Variants in ZNF554 observed in about 807,000 individuals in gnomAD.
The protein encoded by ZNF554 is zinc finger protein 554.
A neutral mutation model predicts 21.2 loss-of-function variants in ZNF554; 15 were observed. That is an observed-to-expected ratio of 0.71 (90% CI 0.47 to 1.09). The LOEUF is 1.09. Among genes scored for constraint, ZNF554 ranks in the 50% least tolerant of loss-of-function variants. ZNF554 has a pLI of 0.00. For missense variants in ZNF554, 691 were observed against 662.7 expected, an observed-to-expected ratio of 1.04 and a Z score of -0.47; for synonymous variants, 258 against 251.4, an observed-to-expected ratio of 1.03 and a Z score of -0.25.
rs937807153 is a variant in ZNF554 at position 2,835,067 on chromosome 19, T to C, written c.*215T>C. 1.6e-5 allele frequency: 8 copies of C among 507,094 alleles called. No homozygotes were observed. The highest frequency in any genetic ancestry group is 1.5e-4 in the African/African-American group (8 of 52,318). 31.4% of individuals were successfully genotyped at this position (507,094 alleles called of 1,614,324 possible). A position where few individuals can be genotyped will look rare whatever the true frequency, so the allele number is the denominator to read the frequency against. ...AGGCTGGAGTCCAGTGGCGTGATCA[T>C]ACCTCACTGCAGCTTCAACTTCCTG... On this transcript the variant is annotated 3_prime_UTR_variant, in exon 5 of 5. Transcript: ENST00000317243.
rs376789614 is a variant in ZNF554 at position 2,834,374 on chromosome 19, A to G, written c.1139A>G (p.Tyr380Cys). 144 of 1,613,882 alleles carry G rather than the reference A, an allele frequency of 8.9e-5. No homozygotes were observed. The highest frequency in any genetic ancestry group is 1.1e-4 in the Non-Finnish European group (135 of 1,179,980). The change falls in exon 5 of 5, where the codon TAC becomes TGC. Residue 380 changes from tyrosine to cysteine, a missense_variant. By Grantham distance (194) the Tyr-to-Cys change is radical. Coordinates refer to ENST00000317243, the MANE Select transcript of ZNF554 (RefSeq NM_001102651.2). ...AGAACTCATACTGGAGAGAAGCCCT[A>G]CGGGTGCGGTGAGTGCGGGAAAGCC... Reference protein sequence around the residue: ...HLRTHTGEKPYGCGECGKAFN... With the variant: ...HLRTHTGEKPCGCGECGKAFN...
chr19:2,828,076 T>A (rs1214161150), intron 3 of ZNF554, among the ~76,000 whole-genome samples: 1 of 151,898 alleles, frequency 6.6e-6, no homozygotes, highest in Non-Finnish European at 1.5e-5. Context: ...TATCTCCCCC[T>A]GGCTCCACCC....
chr19:2,827,309 C>G (rs1483084039), intron 2 of ZNF554, among the ~76,000 whole-genome samples: 1 of 152,184 alleles, frequency 6.6e-6, no homozygotes, highest in Non-Finnish European at 1.5e-5. Flanking sequence ...GGGGGAGATT[C>G]TCACATGGGA....
At chr19:2,825,912 T>C (rs1296409241) in intron 2 of ZNF554, among the ~76,000 whole-genome samples, 1 of 152,126 alleles carries the variant, frequency 6.6e-6, no homozygotes, top group African/African-American at 2.4e-5. Flanking sequence ...CTTTCTTTCT[T>C]TTTTTGAGAT....
At chr19:2,828,288 A>C (rs942466579) in intron 3 of ZNF554, among the ~76,000 whole-genome samples, 26 of 152,284 alleles carry the variant, frequency 1.7e-4, no homozygotes, top group Non-Finnish European at 3.2e-4. Context: ...TCAGTACGTG[A>C]TAGCTGGAGC....
intron 2 of ZNF554, among the ~76,000 whole-genome samples, chr19:2,827,404 C>T (rs1453076068): frequency 3.3e-5 from 5 of 152,174 alleles, no homozygotes; most frequent in African/African-American, 1.2e-4. Context: ...GTGTGCTGGT[C>T]GTCCTTGTTG....
chr19:2,826,827 A>C (rs973550396), intron 2 of ZNF554, among the ~76,000 whole-genome samples: 2 of 151,668 alleles, frequency 1.3e-5, no homozygotes, highest in African/African-American at 4.8e-5. Flanking sequence ...ATGCCCGGCT[A>C]ATTTTTTTGT....
intron 2 of ZNF554, among the ~76,000 whole-genome samples, chr19:2,824,762 A>G (rs2087307960): frequency 1.3e-5 from 2 of 152,174 alleles, no homozygotes; most frequent in Non-Finnish European, 2.9e-5. Context: ...GCACAGCTCA[A>G]TGGCATTAAG....
At chr19:2,824,363 C>T (rs1019573672) in intron 2 of ZNF554, among the ~76,000 whole-genome samples, 8 of 152,168 alleles carry the variant, frequency 5.3e-5, no homozygotes, top group African/African-American at 1.9e-4. Context: ...GGCTCGAATC[C>T]ACAGCTACAG....
intron 3 of ZNF554, among the ~76,000 whole-genome samples, chr19:2,828,389 C>G (rs561739063): frequency 2.0e-5 from 3 of 152,226 alleles, no homozygotes; most frequent in Non-Finnish European, 2.9e-5. Flanking sequence ...CCGTTTCACA[C>G]TGCTATAAAG....
intron 2 of ZNF554, 113 bp from the exon 3 acceptor site, chr19:2,827,504 G>A: frequency 1.5e-6 from 2 of 1,357,166 alleles, no homozygotes; most frequent in Admixed American, 4.9e-5. Context: ...CTGACTTATG[G>A]ACTTTGCACC....
intron 2 of ZNF554, among the ~76,000 whole-genome samples, chr19:2,823,580 A>G (rs1040714358): frequency 1.3e-5 from 2 of 152,092 alleles, no homozygotes; most frequent in African/African-American, 4.8e-5. Flanking sequence ...CTCCACAGGC[A>G]AGTCATTCGG....
Position 2,836,121 on chromosome 19 carries a change from GCC to G in ZNF554, c.*1270_*1271del, listed in dbSNP as rs2087493656. The stretch of plus-strand genomic sequence containing the variant: ...CAAAGTGCTGGTATTACAGGTGTGA[GCC>G]ACCGTGCTGGTATTACGGGTGTGAG... On this transcript the variant is annotated 3_prime_UTR_variant, in exon 5 of 5. Transcript: ENST00000317243. 2.0e-5 allele frequency among the ~76,000 whole-genome samples: 3 copies of G among 151,770 alleles called. No individual in the cohort carries two copies. The highest frequency in any genetic ancestry group is 7.3e-5 in the African/African-American group (3 of 41,338).
intron 2 of ZNF554, among the ~76,000 whole-genome samples, chr19:2,823,431 C>G (rs907699948): frequency 6.6e-6 from 1 of 152,106 alleles, no homozygotes; most frequent in African/African-American, 2.4e-5. Context: ...ATGAGGTATA[C>G]AGACAAGTGA....
intron 1 of ZNF554, 85 bp from the exon 2 acceptor site, chr19:2,822,954 CA>C (rs2087282024): frequency 1.4e-6 from 2 of 1,444,162 alleles, no homozygotes. Flanking sequence ...CCCCTTCAAG[CA>C]AATGGAGGTT....
intron 3 of ZNF554, 35 bp from the exon 4 acceptor site, chr19:2,832,268 G>T (rs746390878): frequency 2.0e-6 from 3 of 1,522,624 alleles, no homozygotes; most frequent in East Asian, 2.3e-5. Flanking sequence ...TCATTATCTT[G>T]TGCTACCTCT....
rs1431917839 is a variant in ZNF554 at position 2,827,627 on chromosome 19, C to T, written c.137C>T (p.Thr46Ile). The T allele has an allele frequency of 1.2e-6, 2 of 1,613,562 alleles. No homozygotes were observed. The highest frequency in any genetic ancestry group is 2.2e-5 in the East Asian group (1 of 44,828). The change falls in exon 3 of 5, where the codon ACC becomes ATC. Residue 46 changes from threonine (T) to isoleucine (I), a missense_variant. Transcript: ENST00000317243. ...YLPRWSQELV[T>I]FEDVSMDFSQ... ...GCTGTGATATTCTAGGAATTAGTAA[C>T]CTTTGAGGACGTGTCCATGGACTTC...
intron 4 of ZNF554, 139 bp downstream of exon 4, chr19:2,832,633 G>T: frequency 1.2e-6 from 1 of 806,298 alleles, no homozygotes. Flanking sequence ...TTCATTTTCT[G>T]GCAGCTTTCT....
rs1219764892 is a variant in ZNF554 at position 2,834,070 on chromosome 19, G to A, written c.835G>A (p.Gly279Arg). The change falls in exon 5 of 5, where the codon GGA (glycine) becomes AGA (arginine). Residue 279 changes from glycine (G) to arginine (R), a missense_variant. By Grantham distance (125) the Gly-to-Arg change is moderately radical. Transcript: ENST00000317243. ...GAGACCTTGTGAAAGTAATGAATGT[G>A]GAAATGCCATCCGCCAGAACAGTCA... is the stretch of plus-strand genomic sequence containing the variant. ...DRRPCESNEC[G>R]NAIRQNSHFI... The A allele has an allele frequency of 1.2e-6, 2 of 1,613,962 alleles. No homozygotes were observed. The highest frequency in any genetic ancestry group is 8.5e-7 in the Non-Finnish European group (1 of 1,180,036).
Sources: gnomAD v4.1 joint callset for allele counts (sites outside exome capture counted in the v4.1 genomes callset) on GRCh38, gnomAD v4.1.1 for gene constraint, MANE v1.5 for transcripts, NCBI Gene and HGNC (gene_info 2026-07-23, HGNC 2026-07-21) for gene names.